Variants in PTPRC observed in about 807,000 individuals in gnomAD.
The protein encoded by PTPRC is receptor-type tyrosine-protein phosphatase C.
PTPRC carries 44 observed loss-of-function variants against 155.9 expected under a neutral mutation model. That is an observed-to-expected ratio of 0.28 (90% CI 0.22 to 0.36). The LOEUF is 0.36. Among genes scored for constraint, PTPRC ranks in the 10% least tolerant of loss-of-function variants. The probability of loss-of-function intolerance (pLI) is 1.00; values close to 1 mark genes in which losing one functional copy is unlikely to be tolerated. For synonymous variants in PTPRC, 525 were observed against 533.1 expected (o/e 0.98, Z 0.21); for missense variants, 1,401 against 1,564.6 (o/e 0.90, Z 1.76).
Position 198,709,582 on chromosome 1 carries a change from A to C in PTPRC, c.1034-105A>C, listed in dbSNP as rs550389416. 6.0e-6 allele frequency: 6 copies of C among 1,006,432 alleles called. No individual in the cohort carries two copies. In the South Asian group the frequency reaches 1.7e-4, roughly 28 times the overall value. 62.3% of individuals were successfully genotyped at this position (1,006,432 alleles called of 1,614,324 possible). A position where few individuals can be genotyped will look rare whatever the true frequency, so the allele number is the denominator to read the frequency against. On this transcript the variant is annotated intron_variant, in intron 10 of 32. Coordinates refer to ENST00000442510, the MANE Select transcript of PTPRC (RefSeq NM_002838.5). ...TTTGGTAATTTCCACAGATGTTTCA[A>C]TCTGATAAATATTAAATAGAGAATT...
chr1:198,706,827 G>T lies in PTPRC; in HGVS notation c.779G>T (p.Cys260Phe). Residue 260 changes from cysteine to phenylalanine, a missense_variant, in exon 9 of 33, where the codon TGT becomes TTT. By Grantham distance (205) the Cys-to-Phe change is radical. Coordinates refer to ENST00000442510, the MANE Select transcript of PTPRC (RefSeq NM_002838.5). ...AKLNVNENVECGNNTCTNNEV... is the reference protein window; with the variant it reads ...AKLNVNENVEFGNNTCTNNEV... ...CTAAATGTTAATGAGAATGTGGAAT[G>T]TGGAAACAATACTTGCACAAACAAT... is the stretch of plus-strand genomic sequence containing the variant. 6.2e-7 allele frequency: 1 copy of T among 1,613,202 alleles called. No homozygotes were observed. Among genetic ancestry groups the T allele is most frequent in the South Asian group, 1.1e-5 (1 of 91,058 alleles).
intron 2 of PTPRC, among the ~76,000 whole-genome samples, chr1:198,657,204 A>G (rs918739461): frequency 1.3e-5 from 2 of 152,092 alleles, no homozygotes; most frequent in Non-Finnish European, 2.9e-5. Context: ...TATGCTGATC[A>G]CAGTGTAGAT....
At chr1:198,672,519 G>T (rs1451565102) in intron 2 of PTPRC, among the ~76,000 whole-genome samples, 1 of 152,110 alleles carries the variant, frequency 6.6e-6, no homozygotes, top group East Asian at 1.9e-4. Flanking sequence ...GCCCAGGCTG[G>T]AGTGCAGAGG....
intron 2 of PTPRC, among the ~76,000 whole-genome samples, chr1:198,665,175 C>T (rs1664216067): frequency 6.7e-6 from 1 of 148,968 alleles, no homozygotes; most frequent in African/African-American, 2.5e-5. Context: ...CTGCAAGCTC[C>T]GCCTCCCGGG....
rs762598134 is a variant in PTPRC at position 198,731,672 on chromosome 1, A to G, written c.1920A>G (p.Glu640=). The part of the protein sequence containing the change: ...VEPIHADILL[E]TYKRKIADEG... ...CAATCCATGCAGATATTTTGTTGGA[A>G]ACTTATAAGAGGAAGATTGCTGATG... The change falls in exon 18 of 33, where the codon GAA becomes GAG. Residue 640 remains glutamate, a synonymous_variant. Coordinates refer to ENST00000442510, the MANE Select transcript of PTPRC (RefSeq NM_002838.5). 40 of 1,611,758 alleles carry G rather than the reference A, an allele frequency of 2.5e-5. No individual in the cohort carries two copies. Among genetic ancestry groups the G allele is most frequent in the South Asian group, 4.4e-5 (4 of 91,060 alleles).
chr1:198,679,697 G>A (rs1437385524), intron 2 of PTPRC: 2 of 355,388 alleles, frequency 5.6e-6, no homozygotes, highest in Non-Finnish European at 1.1e-5. Flanking sequence ...CATAGCGGTG[G>A]AGATCTGTGC....
rs189386814 is a variant in PTPRC, at chr1:198,649,101, A to G, written c.73+9760A>G. 4.5e-3 allele frequency among the ~76,000 whole-genome samples: 686 copies of G among 151,956 alleles called. 3 individuals carry two copies. The highest frequency in any genetic ancestry group is 8.0e-3 in the Admixed American group (122 of 15,208). On this transcript the variant is annotated intron_variant, in intron 2 of 32. Transcript: ENST00000442510. ...CCATCCTACACTTTTTATTCCAGAG[A>G]CAAGTTGGCTAAACTTTGAGGAGAC... is the stretch of plus-strand genomic sequence containing the variant.
In PTPRC at chr1:198,699,796, C is replaced by A. The variant is rs566695033; in HGVS notation, c.439+92C>A. On this transcript the variant is annotated intron_variant, in intron 5 of 32. Transcript: ENST00000442510. ...GTGTGAGGAAATCTAACCACTTATT[C>A]AATGTGCAGCTATTGCTAGTTGATG... The A allele has an allele frequency of 2.3e-4, 353 of 1,518,760 alleles. 2 individuals are homozygous for A. The East Asian group carries it at 7.8e-3, about 34-fold the overall frequency. 94.1% of individuals were successfully genotyped at this position (1,518,760 alleles called of 1,614,324 possible).
At chr1:198,684,953 G>A (rs1408606343) in intron 2 of PTPRC, among the ~76,000 whole-genome samples, 1 of 152,018 alleles carries the variant, frequency 6.6e-6, no homozygotes, top group Non-Finnish European at 1.5e-5. Flanking sequence ...ATAAAGGGAT[G>A]TTGAAATTCT....
At chr1:198,657,771 C>A (rs1333431507) in intron 2 of PTPRC, 1 of 152,156 alleles carries the variant, frequency 6.6e-6, no homozygotes, top group Non-Finnish European at 1.5e-5. Context: ...TTACAGCTGG[C>A]CTCTTTCCAT....
At chr1:198,686,393 A>G (rs896830756) in intron 2 of PTPRC, among the ~76,000 whole-genome samples, 8 of 152,326 alleles carry the variant, frequency 5.3e-5, no homozygotes, top group African/African-American at 1.9e-4. Context: ...TAAGTTTTAA[A>G]AAATGTAGAA....
At chr1:198,734,039 C>A (rs1654513924) in intron 20 of PTPRC, among the ~76,000 whole-genome samples, 157 bp from the exon 21 acceptor site, 1 of 151,712 alleles carries the variant, frequency 6.6e-6, no homozygotes, top group African/African-American at 2.4e-5. Context: ...GCCTGACCAC[C>A]AATTAATAAG....
At chr1:198,645,250 T>G (rs1043698932) in intron 2 of PTPRC, among the ~76,000 whole-genome samples, 1 of 151,830 alleles carries the variant, frequency 6.6e-6, no homozygotes, top group Non-Finnish European at 1.5e-5. Context: ...AGAGATAGTT[T>G]AGAGAAACCT....
intron 3 of PTPRC, among the ~76,000 whole-genome samples, chr1:198,695,422 A>C (rs1666154590): frequency 2.2e-4 from 1 of 4,510 alleles, no homozygotes; most frequent in Non-Finnish European, 6.7e-4. Context: ...TATGTTAAGC[A>C]AAAAAAAAAA....
chr1:198,708,099 A>G, intron 9 of PTPRC, 34 bp from the exon 10 acceptor site: 1 of 1,569,916 alleles, frequency 6.4e-7, no homozygotes, highest in South Asian at 1.1e-5. Context: ...ATTATGAAAT[A>G]CTAATCAAGT....
chr1:198,652,233 C>A (rs534876548), intron 2 of PTPRC, among the ~76,000 whole-genome samples: 9 of 151,644 alleles, frequency 5.9e-5, no homozygotes, highest in African/African-American at 1.7e-4. Context: ...TATAAAGCCG[C>A]AGTTTAAGCA....
intron 2 of PTPRC, among the ~76,000 whole-genome samples, chr1:198,668,851 A>AT (rs1299965170): frequency 6.6e-6 from 1 of 152,178 alleles, no homozygotes; most frequent in Non-Finnish European, 1.5e-5. Flanking sequence ...TCGAAGGGAA[A>AT]TTAAGAGAGC....
intron 2 of PTPRC, among the ~76,000 whole-genome samples, chr1:198,642,830 G>C (rs549273765): frequency 2.6e-5 from 4 of 151,756 alleles, no homozygotes; most frequent in Non-Finnish European, 5.9e-5. Context: ...TTTTTTGCCA[G>C]AGAAACTGGT....
intron 14 of PTPRC, among the ~76,000 whole-genome samples, chr1:198,719,111 G>A (rs1653749174): frequency 1.3e-5 from 2 of 151,414 alleles, no homozygotes; most frequent in Admixed American, 1.3e-4. Context: ...GCATTTATTG[G>A]GTCAAAATGT....
Sources: allele counts gnomAD v4.1 joint callset (sites outside exome capture counted in the v4.1 genomes callset), GRCh38; gene constraint gnomAD v4.1.1; transcripts MANE v1.5; gene names NCBI Gene and HGNC (gene_info 2026-07-23, HGNC 2026-07-21).